GRK3: variants seen among roughly 807,000 people sequenced by gnomAD.
The protein encoded by GRK3 is G protein-coupled receptor kinase 3.
A neutral mutation model predicts 95.7 loss-of-function variants in GRK3; 54 were observed. That is an observed-to-expected ratio of 0.56 (90% CI 0.45 to 0.71). The LOEUF (loss-of-function observed/expected upper bound fraction) is 0.71, where lower values mean the gene tolerates loss of function less well. Ranked by LOEUF, GRK3 falls within the 30% of genes least tolerant of loss-of-function variation. The probability of loss-of-function intolerance (pLI) is 0.00; values close to 1 mark genes in which losing one functional copy is unlikely to be tolerated. For missense variants in GRK3, 649 were observed against 851.2 expected, an observed-to-expected ratio of 0.76 and a Z score of 2.96; for synonymous variants, 281 against 290.8, an observed-to-expected ratio of 0.97 and a Z score of 0.34.
chr22:25,617,628 A>T (rs924840908), intron 2 of GRK3, among the ~76,000 whole-genome samples: 1 of 152,178 alleles, frequency 6.6e-6, no homozygotes, highest in African/African-American at 2.4e-5. Flanking sequence ...GCAGCCACTG[A>T]TCTGCTTTCA....
rs1282500542 is a variant in GRK3, at chr22:25,678,935, C to T, written c.747+20C>T. ...ACAGGAGTAAGTATTCAATTTCCAGCATTTCTTTTAAAAATGTTTTGTTTG... is the reference window on the plus strand; with the variant it reads ...ACAGGAGTAAGTATTCAATTTCCAGTATTTCTTTTAAAAATGTTTTGTTTG... On this transcript the variant is annotated intron_variant, in intron 9 of 20. Transcript: ENST00000324198. 2.4e-5 allele frequency: 35 copies of T among 1,431,320 alleles called. No homozygotes were observed. The highest frequency in any genetic ancestry group is 3.3e-5 in the Non-Finnish European group (34 of 1,042,488). 88.7% of individuals were successfully genotyped at this position (1,431,320 alleles called of 1,614,324 possible).
At chr22:25,594,284 A>T (rs2146330588) in intron 1 of GRK3, among the ~76,000 whole-genome samples, 1 of 152,172 alleles carries the variant, frequency 6.6e-6, no homozygotes. Context: ...GATTTCTTTC[A>T]TTGGTGTTTT....
At chr22:25,578,448 C>A (rs1290942174) in intron 1 of GRK3, among the ~76,000 whole-genome samples, 1 of 152,138 alleles carries the variant, frequency 6.6e-6, no homozygotes, top group Non-Finnish European at 1.5e-5. Flanking sequence ...TGATGCCCCC[C>A]TGAAATATCC....
At chr22:25,695,830 G>A (rs967413938) in intron 13 of GRK3, among the ~76,000 whole-genome samples, 12 of 150,200 alleles carry the variant, frequency 8.0e-5, no homozygotes, top group African/African-American at 2.2e-4. Context: ...CATCACACCC[G>A]GCTAATTTTT....
chr22:25,690,000 T>A (rs1444893600), intron 11 of GRK3, among the ~76,000 whole-genome samples, 189 bp from the exon 12 acceptor site: 1 of 152,204 alleles, frequency 6.6e-6, no homozygotes, highest in African/African-American at 2.4e-5. Flanking sequence ...ACTTTGCTGC[T>A]GAAGTTAACA....
chr22:25,722,283 C>G lies in GRK3; in HGVS notation c.1906-6C>G, dbSNP rs778273153. The G allele has an allele frequency of 1.9e-6, 3 of 1,613,902 alleles. No homozygotes were observed. The highest frequency in any genetic ancestry group is 2.5e-6 in the Non-Finnish European group (3 of 1,179,946). On this transcript the variant is annotated splice_region_variant and splice_polypyrimidine_tract_variant and intron_variant, in intron 20 of 20. Coordinates refer to ENST00000324198, the MANE Select transcript of GRK3 (RefSeq NM_005160.4). ...TCACAACGGCTGCCTTTGTATTCCC[C>G]CTCAGAGTGATCCAGAGTTTGTGCA...
At chr22:25,569,811 G>T (rs1297572634) in intron 1 of GRK3, among the ~76,000 whole-genome samples, 2 of 152,206 alleles carry the variant, frequency 1.3e-5, no homozygotes, top group Non-Finnish European at 2.9e-5. Flanking sequence ...CTGTCAGGCA[G>T]TTGGCATAAT....
intron 2 of GRK3, among the ~76,000 whole-genome samples, chr22:25,637,519 A>G (rs753430044): frequency 7.2e-5 from 11 of 152,232 alleles, no homozygotes; most frequent in Non-Finnish European, 1.2e-4. Flanking sequence ...ATCATTTCAG[A>G]TAAGTTATGA....
At chr22:25,633,169 G>C (rs113642172) in intron 2 of GRK3, among the ~76,000 whole-genome samples, 1 of 151,738 alleles carries the variant, frequency 6.6e-6, no homozygotes, top group Non-Finnish European at 1.5e-5. Context: ...CACCCGCCTC[G>C]GCCTCCCAAA....
chr22:25,630,587 C>T (rs8139606), intron 2 of GRK3, among the ~76,000 whole-genome samples: 3,396 of 152,260 alleles, frequency 0.022, 61 homozygotes, highest in Middle Eastern at 0.068. Flanking sequence ...AGAATTTTCT[C>T]GCCCCTACAT....
At chr22:25,664,160 G>A (rs1356212757) in intron 5 of GRK3, among the ~76,000 whole-genome samples, 4 of 152,174 alleles carry the variant, frequency 2.6e-5, no homozygotes, top group Non-Finnish European at 5.9e-5. Context: ...ATGGGAAATT[G>A]TATTTTACCT....
intron 3 of GRK3, among the ~76,000 whole-genome samples, chr22:25,651,518 A>T (rs2084830810): frequency 6.6e-6 from 1 of 152,240 alleles, no homozygotes. Flanking sequence ...CTCTACCAAG[A>T]GGGTCTTCCT....
At chr22:25,605,806 G>A (rs929885194) in intron 2 of GRK3, among the ~76,000 whole-genome samples, 2 of 152,174 alleles carry the variant, frequency 1.3e-5, no homozygotes, top group Non-Finnish European at 2.9e-5. Flanking sequence ...TGTTGGACAC[G>A]CCACATGAAG....
chr22:25,703,488 G>T, intron 13 of GRK3, 22 bp from the exon 14 acceptor site: 1 of 1,595,442 alleles, frequency 6.3e-7, no homozygotes, highest in South Asian at 1.1e-5. Context: ...TATTTTGATA[G>T]AACAATTCTT....
chr22:25,706,687 C>G (rs185962606), intron 15 of GRK3, among the ~76,000 whole-genome samples: 1 of 152,054 alleles, frequency 6.6e-6, no homozygotes, highest in African/African-American at 2.4e-5. Flanking sequence ...TGCACCACCA[C>G]GCCCAGCTAA....
chr22:25,615,338 C>T (rs1313574222), intron 2 of GRK3, among the ~76,000 whole-genome samples: 2 of 152,090 alleles, frequency 1.3e-5, no homozygotes, highest in Non-Finnish European at 2.9e-5. Flanking sequence ...ACTTTTTGAA[C>T]TGACAGTGGG....
chr22:25,725,713 G>A lies in GRK3; in HGVS notation c.*3263G>A, dbSNP rs576978140. The A allele has an allele frequency of 5.0e-5, 20 of 398,036 alleles. No homozygotes were observed. Among genetic ancestry groups the A allele is most frequent in the East Asian group, 7.1e-5 (2 of 28,076 alleles). The allele number at this position is 398,036 out of a possible 1,614,324, so 24.7% of individuals were successfully genotyped here. A position where few individuals can be genotyped will look rare whatever the true frequency, so the allele number is the denominator to read the frequency against. On this transcript the variant is annotated 3_prime_UTR_variant, in exon 21 of 21. Coordinates refer to ENST00000324198, the MANE Select transcript of GRK3 (RefSeq NM_005160.4). ...TATAATCCCAGCACTTTGGGAGGCCGAGAGGGGCGGTTCACGAGGTCAGGA... is the reference window on the plus strand; with the variant it reads ...TATAATCCCAGCACTTTGGGAGGCCAAGAGGGGCGGTTCACGAGGTCAGGA...
At chr22:25,691,278 C>T (rs2085162831) in intron 12 of GRK3, among the ~76,000 whole-genome samples, 2 of 152,090 alleles carry the variant, frequency 1.3e-5, no homozygotes, top group Non-Finnish European at 2.9e-5. Context: ...CTTAAGCTAA[C>T]ATTCATCTCT....
In GRK3 at chr22:25,688,834, C is replaced by T. The variant is rs116404880; in HGVS notation, c.957+1167C>T. On this transcript the variant is annotated intron_variant, in intron 11 of 20. Coordinates refer to ENST00000324198, the MANE Select transcript of GRK3 (RefSeq NM_005160.4). ...AGGGACCTTGATGAATTAATGATTG[C>T]GCAAACATAGAAATGCGTAAATTGT... 9.2e-3 allele frequency among the ~76,000 whole-genome samples: 1,400 copies of T among 152,236 alleles called. 14 individuals are homozygous for T. The highest frequency in any genetic ancestry group is 0.032 in the African/African-American group (1,337 of 41,528).
Sources: gnomAD v4.1 joint callset for allele counts (sites outside exome capture counted in the v4.1 genomes callset) on GRCh38, gnomAD v4.1.1 for gene constraint, MANE v1.5 for transcripts, NCBI Gene and HGNC (gene_info 2026-07-23, HGNC 2026-07-21) for gene names.